Variants in HOXA3 observed in about 807,000 individuals in gnomAD.
The protein encoded by HOXA3 is homeobox A3.
In HOXA3, 8 loss-of-function variants were observed where a neutral mutation model predicts 30.3. That is an observed-to-expected ratio of 0.26 (90% CI 0.15 to 0.48). The LOEUF (loss-of-function observed/expected upper bound fraction) is 0.48, where lower values mean the gene tolerates loss of function less well. HOXA3 is among the 20% of genes least tolerant of loss of function. The pLI is 0.99. For missense variants in HOXA3, 653 were observed against 614.4 expected (o/e 1.06, Z -0.66); for synonymous variants, 323 against 273.1 (o/e 1.18, Z -1.80).
chr7:27,141,852 C>T, intron 1 of HOXA3: 1 of 1,614,122 alleles, frequency 6.2e-7, no homozygotes, highest in Non-Finnish European at 8.5e-7. Context: ...CGGAAGGCCC[C>T]TCCTGCCGCG....
Position 27,108,506 on chromosome 7 carries a change from T to C in HOXA3, c.741A>G (p.Lys247=). Residue 247 remains lysine, a synonymous_variant, in exon 6 of 6, where the codon AAA becomes AAG. Transcript: ENST00000612286. This position sits in a 1 kb window ranked among gnomAD's most constrained non-coding sequence, Gnocchi z 5.0. The part of the protein sequence containing the change: ...IWFQNRRMKY[K]KDQKGKGMLT... ...GCATGCCCTTGCCCTTCTGATCCTT[T>C]TTGTACTTCATGCGGCGATTCTGGA... 2 of 1,614,114 alleles carry C rather than the reference T, an allele frequency of 1.2e-6. No homozygotes were observed.
rs1347019202 is a variant in HOXA3 at position 27,108,660 on chromosome 7, G to A, written c.587C>T (p.Thr196Met). Residue 196 changes from threonine (T) to methionine (M), a missense_variant, in exon 6 of 6, where the codon ACG becomes ATG. Thr to Met is a moderately conservative substitution (Grantham distance 81). Transcript: ENST00000612286. This position sits in a 1 kb window ranked among gnomAD's most constrained non-coding sequence, Gnocchi z 5.0. Reference sequence around the variant, plus strand: ...CACCAGCTGCGCGCTCGTGTAGGCCGTGCGCGCGCGCTTGGACGAAGCCTG... The same window carrying A: ...CACCAGCTGCGCGCTCGTGTAGGCCATGCGCGCGCGCTTGGACGAAGCCTG... ...PGQASSKRAR[T>M]AYTSAQLVEL... is the part of the protein sequence containing the mutation. The A allele has an allele frequency of 6.2e-7, 1 of 1,613,314 alleles. No individual in the cohort carries two copies. The highest frequency in any genetic ancestry group is 8.5e-7 in the Non-Finnish European group (1 of 1,179,674).
intron 1 of HOXA3, chr7:27,143,521 G>A (rs1299785201): frequency 2.5e-6 from 4 of 1,613,700 alleles, no homozygotes; most frequent in Non-Finnish European, 3.4e-6. Flanking sequence ...GCTCGCTCAC[G>A]GAACTATGAT....
chr7:27,122,730 C>A (rs913532997), intron 3 of HOXA3, 88 bp from the exon 4 acceptor site: 1 of 152,168 alleles, frequency 6.6e-6, no homozygotes, highest in Non-Finnish European at 1.5e-5. Context: ...CTCATGCGGG[C>A]GCCAAGGTGG....
At chr7:27,135,355 T>C (rs145560616) in intron 2 of HOXA3, among the ~76,000 whole-genome samples, 167 of 152,292 alleles carry the variant, frequency 1.1e-3, no homozygotes, top group African/African-American at 2.2e-3. Flanking sequence ...TTACATTCAA[T>C]TGTGGTTTAA....
At chr7:27,133,484 A>G (rs1785623522) in intron 2 of HOXA3, among the ~76,000 whole-genome samples, 1 of 152,252 alleles carries the variant, frequency 6.6e-6, no homozygotes, top group African/African-American at 2.4e-5. Flanking sequence ...AACTGGCTCC[A>G]GTCCCAAGCG....
At position 27,138,587 on chromosome 7, in the gene HOXA3, T is replaced by C. The variant is rs1325621354; in HGVS notation, c.-390+1496A>G. 2.0e-5 allele frequency among the ~76,000 whole-genome samples: 3 copies of C among 152,282 alleles called. No individual in the cohort carries two copies. In the East Asian group the frequency reaches 5.8e-4, roughly 29 times the overall value. ...GGAAATCTACTGGGTCCCTTGTGGGTACCCATCCAGAAAAAGATCCCAGGA... is the reference window on the plus strand; with the variant it reads ...GGAAATCTACTGGGTCCCTTGTGGGCACCCATCCAGAAAAAGATCCCAGGA... On this transcript the variant is annotated intron_variant, in intron 2 of 5. Coordinates refer to ENST00000612286, the MANE Select transcript of HOXA3 (RefSeq NM_153631.3).
chr7:27,149,077 A>T (rs561628450), intron 1 of HOXA3, among the ~76,000 whole-genome samples: 1 of 152,362 alleles, frequency 6.6e-6, no homozygotes, highest in East Asian at 1.9e-4. Context: ...CTGCTGTCCC[A>T]GGCCTGGCGG....
At position 27,110,042 on chromosome 7, in the gene HOXA3, T is replaced by TG. The variant is rs1451169900; in HGVS notation, c.526+72dup. 8 of 1,559,880 alleles carry TG rather than the reference T, an allele frequency of 5.1e-6. No individual in the cohort carries two copies. The African/African-American group carries it at 1.1e-4, about 21-fold the overall frequency. Reference sequence around the variant, plus strand: ...ATGCTCCATCGCTCCTAGGCTGTGCTGGATGTCGTGGGCAGTAGCTTGGGG... The same window carrying TG: ...ATGCTCCATCGCTCCTAGGCTGTGCTGGGATGTCGTGGGCAGTAGCTTGGGG... On this transcript the variant is annotated intron_variant, in intron 5 of 5. Transcript: ENST00000612286.
In HOXA3 at chr7:27,147,753, C is replaced by A; in HGVS notation, c.-494+4535G>T. On this transcript the variant is annotated intron_variant, in intron 1 of 5. Transcript: ENST00000612286. ...GATTCACAAAATAGGAACTCATTTG[C>A]GCGCCCCTCTGCAGGACTGTGATTT... 1.9e-6 allele frequency: 3 copies of A among 1,602,146 alleles called. No homozygotes were observed. The South Asian group carries it at 3.3e-5, about 18-fold the overall frequency.
chr7:27,110,405 G>C lies in HOXA3; in HGVS notation c.236C>G (p.Pro79Arg), dbSNP rs1467089174. ...CTCTCCCAGGCTTGGAGGCTGGCTA[G>C]GTGGGGCGCTCAGGGTGCGCAGGCA... Reference protein sequence around the residue: ...EACLRTLSAPPSQPPSLGEPP... With the variant: ...EACLRTLSAPRSQPPSLGEPP... The change falls in exon 5 of 6, where the codon CCT becomes CGT. Residue 79 changes from proline to arginine, a missense_variant. Transcript: ENST00000612286. 6.5e-7 allele frequency: 1 copy of C among 1,537,354 alleles called. No homozygotes were observed. The highest frequency in any genetic ancestry group is 8.7e-7 in the Non-Finnish European group (1 of 1,144,840).
At position 27,130,342 on chromosome 7, in the gene HOXA3, T is replaced by C. The variant is rs1261664747; in HGVS notation, c.-389-3272A>G. ...CTGGGGCTGCAGGACGTGGCTCGCA[T>C]GCAGGCCGTGCGCTGGGCCCTTGGC... is the stretch of plus-strand genomic sequence containing the variant. On this transcript the variant is annotated intron_variant, in intron 2 of 5. Transcript: ENST00000612286. 2 of 1,118,054 alleles carry C rather than the reference T, an allele frequency of 1.8e-6. No individual in the cohort carries two copies. Among genetic ancestry groups the C allele is most frequent in the Non-Finnish European group, 2.2e-6 (2 of 915,390 alleles). 69.3% of individuals were successfully genotyped at this position (1,118,054 alleles called of 1,614,324 possible).
At position 27,107,933 on chromosome 7, in the gene HOXA3, G is replaced by C. The variant is rs1222276118; in HGVS notation, c.1314C>G (p.Pro438=). 6.3e-7 allele frequency: 1 copy of C among 1,581,866 alleles called. No individual in the cohort carries two copies. The highest frequency in any genetic ancestry group is 8.6e-7 in the Non-Finnish European group (1 of 1,156,590). ...CCCACTATCACAGGTGGGTGAGCTT[G>C]GGTGCTTCCTGAATTCTTCCCTGAG... is the stretch of plus-strand genomic sequence containing the variant. The part of the protein sequence containing the change: ...HPSQGRIQEA[P]KLTHL Residue 438 remains proline, a synonymous_variant, in exon 6 of 6, where the codon CCC becomes CCG. Coordinates refer to ENST00000612286, the MANE Select transcript of HOXA3 (RefSeq NM_153631.3).
intron 3 of HOXA3, chr7:27,124,084 T>G (rs906708678): frequency 6.6e-6 from 1 of 152,228 alleles, no homozygotes; most frequent in Admixed American, 6.5e-5. Flanking sequence ...ATGGTTATTA[T>G]TTTTGCTGTT....
chr7:27,130,433 G>A (rs1309373046), intron 2 of HOXA3: 4 of 1,201,566 alleles, frequency 3.3e-6, no homozygotes, highest in Middle Eastern at 6.7e-4. Context: ...TAGCCATAGG[G>A]GTAGGCGGTG....
At chr7:27,127,330 G>A (rs1785326087) in intron 2 of HOXA3, among the ~76,000 whole-genome samples, 1 of 152,142 alleles carries the variant, frequency 6.6e-6, no homozygotes, top group Non-Finnish European at 1.5e-5. Context: ...TGGCTCTTCA[G>A]AGACTGGTAT....
chr7:27,129,360 C>A, intron 2 of HOXA3: 1 of 1,614,008 alleles, frequency 6.2e-7, no homozygotes, highest in East Asian at 2.2e-5. Context: ...TGGTGTTGGG[C>A]AGTTTGTGGT....
intron 4 of HOXA3, among the ~76,000 whole-genome samples, chr7:27,120,402 A>G (rs1378588169): frequency 6.6e-6 from 1 of 151,922 alleles, no homozygotes; most frequent in Admixed American, 6.6e-5. Flanking sequence ...TTAGCCAGGC[A>G]TGGTGGTGCA....
intron 4 of HOXA3, among the ~76,000 whole-genome samples, chr7:27,119,794 G>A (rs1784913996): frequency 6.6e-6 from 1 of 152,142 alleles, no homozygotes; most frequent in Admixed American, 6.5e-5. Flanking sequence ...GTCCAAATCA[G>A]AAAGGCAATA....
Sources: allele counts gnomAD v4.1 joint callset (sites outside exome capture counted in the v4.1 genomes callset), GRCh38; gene constraint gnomAD v4.1.1; non-coding constraint Gnocchi (gnomAD v3.1); transcripts MANE v1.5; gene names NCBI Gene and HGNC (gene_info 2026-07-23, HGNC 2026-07-21).